The following PTPN1 variants were observed in gnomAD, a reference collection of about 807,000 sequenced individuals.
PTPN1 encodes tyrosine-protein phosphatase non-receptor type 1.
Under a neutral mutation model 59.9 loss-of-function variants are expected in PTPN1, and 12 were observed. The observed-to-expected ratio is 0.20, with a 90% CI of 0.13 to 0.32. The LOEUF (loss-of-function observed/expected upper bound fraction) is 0.32. PTPN1 is among the 10% of genes least tolerant of loss of function. PTPN1 has a pLI of 1.00. For missense variants in PTPN1, 356 were observed against 549.2 expected, an observed-to-expected ratio of 0.65 and a Z score of 3.52; for synonymous variants, 178 against 203.6, an observed-to-expected ratio of 0.87 and a Z score of 1.07.
At chr20:50,574,383 T>C in intron 4 of PTPN1, 134 bp from the exon 5 acceptor site, 2 of 931,054 alleles carry the variant, frequency 2.1e-6, no homozygotes, top group Non-Finnish European at 3.1e-6. Context: ...GCATCTGTGC[T>C]GACCATGGCT....
In PTPN1 at chr20:50,583,206, A is replaced by G. The variant is rs2122812003; in HGVS notation, c.*491A>G. The G allele has an allele frequency of 6.3e-6, 1 of 158,112 alleles. No homozygotes were observed. Among genetic ancestry groups the G allele is most frequent in the South Asian group, 1.9e-4 (1 of 5,172 alleles). The allele number at this position is 158,112 out of a possible 1,614,324, so 9.8% of individuals were successfully genotyped here. ...TAAAATTTTTTGATGTCAGCCTTGCATCAAGGGCTTTATCAAAAAGTACAA... is the reference window on the plus strand; with the variant it reads ...TAAAATTTTTTGATGTCAGCCTTGCGTCAAGGGCTTTATCAAAAAGTACAA... On this transcript the variant is annotated 3_prime_UTR_variant, in exon 10 of 10. Transcript: ENST00000371621.
At chr20:50,534,175 C>T (rs1342853925) in intron 1 of PTPN1, among the ~76,000 whole-genome samples, 3 of 152,198 alleles carry the variant, frequency 2.0e-5, no homozygotes, top group Admixed American at 6.5e-5. Context: ...CTGCCCACCT[C>T]AGCCTCCCAA....
chr20:50,543,236 A>G (rs2082660269), intron 1 of PTPN1, among the ~76,000 whole-genome samples: 1 of 152,240 alleles, frequency 6.6e-6, no homozygotes, highest in Non-Finnish European at 1.5e-5. Context: ...TGTTTATACC[A>G]GAGCCATCCT....
chr20:50,531,779 C>G lies in PTPN1; in HGVS notation c.63+21189C>G, dbSNP rs1187601741. Among the ~76,000 whole-genome samples the G allele has an allele frequency of 4.6e-5, 7 of 152,196 alleles. No homozygotes were observed. In the East Asian group the frequency reaches 1.2e-3, roughly 25 times the overall value. On this transcript the variant is annotated intron_variant, in intron 1 of 9. Transcript: ENST00000371621. The stretch of plus-strand genomic sequence containing the variant: ...GCTTGCTCTGGCCCCCGGTCGCTCT[C>G]TGTGTGTTATTGAGTCCCCATCCAC...
At chr20:50,545,915 G>A (rs1368886179) in intron 1 of PTPN1, among the ~76,000 whole-genome samples, 1 of 151,404 alleles carries the variant, frequency 6.6e-6, no homozygotes, top group Admixed American at 6.6e-5. Context: ...CGTGGTGCCT[G>A]TAGTCTCAGC....
intron 2 of PTPN1, chr20:50,562,985 C>T (rs1287516144): frequency 6.6e-6 from 1 of 150,882 alleles, no homozygotes; most frequent in Non-Finnish European, 1.5e-5. Flanking sequence ...GAAAAAAAAC[C>T]AGTATTTAAA....
At chr20:50,529,036 A>C (rs568467448) in intron 1 of PTPN1, among the ~76,000 whole-genome samples, 1 of 152,126 alleles carries the variant, frequency 6.6e-6, no homozygotes, top group Non-Finnish European at 1.5e-5. Context: ...GGTGCCTTGC[A>C]TGGAATTGGA....
chr20:50,532,677 G>A (rs1004306919), intron 1 of PTPN1, among the ~76,000 whole-genome samples: 33 of 152,238 alleles, frequency 2.2e-4, no homozygotes, highest in African/African-American at 7.5e-4. Context: ...AATAATGATT[G>A]TATGAATAAA....
chr20:50,570,982 GCTT>G (rs1366453171), intron 4 of PTPN1: 1 of 152,244 alleles, frequency 6.6e-6, no homozygotes, highest in East Asian at 1.9e-4. Flanking sequence ...AGTAGCATTT[GCTT>G]CTTATTTATT....
intron 1 of PTPN1, among the ~76,000 whole-genome samples, chr20:50,517,263 TA>T (rs1263956551): frequency 2.0e-5 from 3 of 152,318 alleles, no homozygotes; most frequent in Admixed American, 6.5e-5. Context: ...ATTTTTTTAA[TA>T]TTTTTTTTGA....
At position 50,510,582 on chromosome 20, in the gene PTPN1, A is replaced by G. The variant is rs150635098; in HGVS notation, c.55A>G (p.Ile19Val). 8.0e-4 allele frequency: 1,236 copies of G among 1,550,370 alleles called. 2 individuals are homozygous for G. The highest frequency in any genetic ancestry group is 1.0e-3 in the Middle Eastern group (6 of 5,982). ...CGACAAGTCCGGGAGCTGGGCGGCCATTTACCAGGTGCGGGAGCGCCCCGG... is the reference window on the plus strand; with the variant it reads ...CGACAAGTCCGGGAGCTGGGCGGCCGTTTACCAGGTGCGGGAGCGCCCCGG... Reference protein sequence around the residue: ...QIDKSGSWAAIYQDIRHEASD... With the variant: ...QIDKSGSWAAVYQDIRHEASD... Residue 19 changes from isoleucine (I) to valine (V), a missense_variant, in exon 1 of 10, where the codon ATT becomes GTT. Physicochemically the swap from Ile to Val is conservative, Grantham distance 29 (BLOSUM62 3). Around this residue, in one of 3 missense-constraint regions of PTPN1, gnomAD observed 194 missense variants for 344.2 expected, o/e 0.56. Transcript: ENST00000371621.
At chr20:50,582,000 G>A (rs948901291) in intron 9 of PTPN1, among the ~76,000 whole-genome samples, 5 of 152,200 alleles carry the variant, frequency 3.3e-5, no homozygotes, top group Non-Finnish European at 7.3e-5. Context: ...ACGCTGTTGC[G>A]CTCAAGCCCC....
chr20:50,560,495 G>C (rs1342403513), intron 1 of PTPN1, among the ~76,000 whole-genome samples: 1 of 151,924 alleles, frequency 6.6e-6, no homozygotes, highest in Non-Finnish European at 1.5e-5. Flanking sequence ...CTTTCTTACT[G>C]TTCACTTGTA....
intron 1 of PTPN1, among the ~76,000 whole-genome samples, chr20:50,512,760 C>T (rs1343961110): frequency 6.6e-6 from 1 of 152,148 alleles, no homozygotes; most frequent in Non-Finnish European, 1.5e-5. Flanking sequence ...AAACAGAGTT[C>T]AGATGACCTT....
rs774551739 is a variant in PTPN1 at position 50,578,551 on chromosome 20, C to T, written c.624C>T (p.His208=). The T allele has an allele frequency of 2.0e-5, 32 of 1,614,086 alleles. No homozygotes were observed. The highest frequency in any genetic ancestry group is 6.6e-5 in the South Asian group (6 of 91,090). The change falls in exon 6 of 10, where the codon CAC becomes CAT. Residue 208 remains histidine (H), a synonymous_variant. Transcript: ENST00000371621. ...AGTCAGGGTCACTCAGCCCGGAGCA[C>T]GGGCCCGTTGTGGTGCACTGCAGTG... ...VRESGSLSPE[H]GPVVVHCSAG...
chr20:50,537,088 G>T (rs748243257), intron 1 of PTPN1, among the ~76,000 whole-genome samples: 4 of 152,188 alleles, frequency 2.6e-5, no homozygotes, highest in Non-Finnish European at 5.9e-5. Context: ...ACTTTGGGAG[G>T]CCGAGGCAGG....
In PTPN1 at chr20:50,561,473, G is replaced by A. The variant is rs769233650; in HGVS notation, c.154+20G>A. The A allele has an allele frequency of 6.5e-7, 1 of 1,531,296 alleles. No individual in the cohort carries two copies. Among genetic ancestry groups the A allele is most frequent in the Non-Finnish European group, 9.0e-7 (1 of 1,112,960 alleles). 94.9% of individuals were successfully genotyped at this position (1,531,296 alleles called of 1,614,324 possible). On this transcript the variant is annotated intron_variant, in intron 2 of 9. Transcript: ENST00000371621. The stretch of plus-strand genomic sequence containing the variant: ...GTCCCTGTAAGTATCCACGTGGCCG[G>A]TACCAGTCTTGCTCTTCCTTTGCTG...
At chr20:50,550,688 T>C (rs535108196) in intron 1 of PTPN1, among the ~76,000 whole-genome samples, 3 of 152,368 alleles carry the variant, frequency 2.0e-5, no homozygotes, top group South Asian at 2.1e-4. Flanking sequence ...TTGATTCAGT[T>C]AACAAAATTA....
At position 50,568,477 on chromosome 20, in the gene PTPN1, C is replaced by T. The variant is rs1173031559; in HGVS notation, c.353C>T (p.Ser118Leu). Reference protein sequence around the residue: ...VMLNRVMEKGSLKCAQYWPQK... With the variant: ...VMLNRVMEKGLLKCAQYWPQK... ...CTCAACAGAGTGATGGAGAAAGGTTCGGTAAGTCTCGGCTTCATTTGCTGT... is the reference window on the plus strand; with the variant it reads ...CTCAACAGAGTGATGGAGAAAGGTTTGGTAAGTCTCGGCTTCATTTGCTGT... Residue 118 changes from serine (S) to leucine (L), a missense_variant and splice_region_variant, in exon 4 of 10, where the codon TCG becomes TTG. This residue lies in a region of PTPN1 where 194 missense variants were observed against 344.2 expected (regional missense o/e 0.56). Transcript: ENST00000371621. This position sits in a 1 kb window ranked among gnomAD's most constrained non-coding sequence, Gnocchi z 5.6. 4.3e-6 allele frequency: 7 copies of T among 1,612,052 alleles called. No homozygotes were observed. The highest frequency in any genetic ancestry group is 5.1e-6 in the Non-Finnish European group (6 of 1,178,248).
Sources: allele counts gnomAD v4.1 joint callset (sites outside exome capture counted in the v4.1 genomes callset), GRCh38; gene constraint gnomAD v4.1.1; regional missense constraint gnomAD v4.1.1; non-coding constraint Gnocchi (gnomAD v3.1); transcripts MANE v1.5; gene names NCBI Gene and HGNC (gene_info 2026-07-23, HGNC 2026-07-21).